The following PRKN variants were observed in gnomAD, a reference collection of about 807,000 sequenced individuals.
PRKN encodes the protein E3 ubiquitin-protein ligase parkin.
Under a neutral mutation model 59.5 loss-of-function variants are expected in PRKN, and 56 were observed. The ratio of observed to expected loss-of-function variants is 0.94; its 90% CI spans 0.76 to 1.18. The LOEUF (loss-of-function observed/expected upper bound fraction) is 1.18, where lower values mean the gene tolerates loss of function less well. Among genes scored for constraint, PRKN ranks in the 50% most tolerant of loss-of-function variants. PRKN has a pLI of 0.00. For synonymous variants in PRKN, 250 were observed against 222.1 expected (o/e 1.13, Z -1.12); for missense variants, 657 against 596.4 (o/e 1.10, Z -1.06).
chr6:162,609,203 T>C (rs1365826430), intron 1 of PRKN, among the ~76,000 whole-genome samples: 2 of 152,134 alleles, frequency 1.3e-5, no homozygotes, highest in Non-Finnish European at 2.9e-5. Flanking sequence ...GGGTCATGCA[T>C]TTAGGAAAGG....
Position 162,113,938 on chromosome 6 carries a change from A to G in PRKN, c.535-59764T>C, listed in dbSNP as rs1449812205. Among the ~76,000 whole-genome samples the G allele has an allele frequency of 5.6e-4, 85 of 151,902 alleles. 3 individuals carry two copies. The highest frequency in any genetic ancestry group is 1.7e-3 in the African/African-American group (71 of 41,412). On this transcript the variant is annotated intron_variant, in intron 4 of 11. Transcript: ENST00000366898. ...AGTTTCAGCTTTCTACATATGGCTA[A>G]CCAGTTTTCCCAGCACCATTTATTA... is the stretch of plus-strand genomic sequence containing the variant.
In PRKN at chr6:161,497,446, T is replaced by G. The variant is rs2115290346; in HGVS notation, c.1083+51408A>C. On this transcript the variant is annotated intron_variant, in intron 9 of 11. Coordinates refer to ENST00000366898, the MANE Select transcript of PRKN (RefSeq NM_004562.3). This position sits in a 1 kb window ranked among gnomAD's most constrained non-coding sequence, Gnocchi z 4.6. The stretch of plus-strand genomic sequence containing the variant: ...TCCTCTGTCTTGAACTGGGAATAAA[T>G]TAGGAGAGATAAGAGACAGATATTA... Among the ~76,000 whole-genome samples, 1 of 152,270 alleles carries G rather than the reference T, an allele frequency of 6.6e-6. No homozygotes were observed. The highest frequency in any genetic ancestry group is 2.4e-5 in the African/African-American group (1 of 41,554).
At chr6:162,351,163 C>A (rs1482934336) in intron 2 of PRKN, among the ~76,000 whole-genome samples, 1 of 152,080 alleles carries the variant, frequency 6.6e-6, no homozygotes, top group African/African-American at 2.4e-5. Flanking sequence ...TGTACTCCGG[C>A]CTGGGCCACA....
At chr6:162,116,911 T>C (rs1400532048) in intron 4 of PRKN, among the ~76,000 whole-genome samples, 1 of 152,226 alleles carries the variant, frequency 6.6e-6, no homozygotes, top group Non-Finnish European at 1.5e-5. Context: ...ATGTGTGTTT[T>C]AGTCTGCTTA....
rs1389434427 is a variant in PRKN at position 161,584,207 on chromosome 6, C to G, written c.872-14791G>C. Among the ~76,000 whole-genome samples the G allele has an allele frequency of 6.6e-6, 1 of 152,134 alleles. No homozygotes were observed. Among genetic ancestry groups the G allele is most frequent in the African/African-American group, 2.4e-5 (1 of 41,438 alleles). The stretch of plus-strand genomic sequence containing the variant: ...TCACCTTAATCAGATCAAATTAGGA[C>G]AGGTGGCAACCCTGCAGGCAACATA... On this transcript the variant is annotated intron_variant, in intron 7 of 11. Transcript: ENST00000366898. The surrounding 1 kb of genome is among the most constrained non-coding windows in gnomAD (Gnocchi z 4.8).
rs1784421798 is a variant in PRKN at position 161,348,832 on chromosome 6, AGCATGCGGTTT to A, written c.*1256_*1266del. 4.8e-6 allele frequency: 1 copy of A among 210,044 alleles called. No individual in the cohort carries two copies. The highest frequency in any genetic ancestry group is 7.1e-5 in the East Asian group (1 of 14,050). 13.0% of individuals were successfully genotyped at this position (210,044 alleles called of 1,614,324 possible). ...TTCTCTTCTGCGTAGTGTGGGTAAG[AGCATGCGGTTT>A]GCCGCATGCAGTGTTGTTAATCTTT... On this transcript the variant is annotated 3_prime_UTR_variant, in exon 12 of 12. Coordinates refer to ENST00000366898, the MANE Select transcript of PRKN (RefSeq NM_004562.3). The surrounding 1 kb of genome is among the most constrained non-coding windows in gnomAD (Gnocchi z 4.9).
At chr6:161,753,717 G>A (rs1405884105) in intron 7 of PRKN, among the ~76,000 whole-genome samples, 2 of 152,170 alleles carry the variant, frequency 1.3e-5, no homozygotes, top group Non-Finnish European at 2.9e-5. Context: ...GGGGGGGCTC[G>A]GCTTGGAGCA....
At chr6:162,222,816 AC>A (rs1280160399) in intron 3 of PRKN, among the ~76,000 whole-genome samples, 2 of 152,070 alleles carry the variant, frequency 1.3e-5, no homozygotes, top group African/African-American at 2.4e-5. Context: ...TGGCTGGTTT[AC>A]TTCACCTCAC....
At chr6:162,001,597 C>G (rs1782059068) in intron 5 of PRKN, among the ~76,000 whole-genome samples, 1 of 151,874 alleles carries the variant, frequency 6.6e-6, no homozygotes, top group South Asian at 2.1e-4. Context: ...CATCTGCTAC[C>G]AATGATAGTT....
At chr6:162,228,788 G>A (rs1378998245) in intron 3 of PRKN, among the ~76,000 whole-genome samples, 3 of 152,218 alleles carry the variant, frequency 2.0e-5, no homozygotes, top group East Asian at 1.9e-4. Flanking sequence ...TTATTTCCAG[G>A]TGTCTTTAAA....
chr6:161,507,925 T>C (rs1191680284), intron 9 of PRKN, among the ~76,000 whole-genome samples: 1 of 152,206 alleles, frequency 6.6e-6, no homozygotes, highest in African/African-American at 2.4e-5. Flanking sequence ...TAATAGGTGC[T>C]CAATACATAA....
chr6:162,306,084 AAAATAATCTTCAT>A (rs1464260553), intron 2 of PRKN, among the ~76,000 whole-genome samples: 1 of 152,170 alleles, frequency 6.6e-6, no homozygotes, highest in Non-Finnish European at 1.5e-5. Flanking sequence ...AAATATATGG[AAAATAATCTTCAT>A]AAGTTCCCTT....
At chr6:161,522,590 T>C (rs1778869767) in intron 9 of PRKN, among the ~76,000 whole-genome samples, 1 of 152,258 alleles carries the variant, frequency 6.6e-6, no homozygotes, top group African/African-American at 2.4e-5. Context: ...ACAGCTAGAA[T>C]GCCCTACAGG....
rs988500649 is a variant in PRKN at position 161,448,952 on chromosome 6, G to A, written c.1084-62075C>T. ...TTCTCCCCAAGGTCACATTAAAAAG[G>A]TGGTGCATCTGAGATGGTGACTGCT... On this transcript the variant is annotated intron_variant, in intron 9 of 11. Coordinates refer to ENST00000366898, the MANE Select transcript of PRKN (RefSeq NM_004562.3). The surrounding 1 kb of genome is among the most constrained non-coding windows in gnomAD (Gnocchi z 5.1). Among the ~76,000 whole-genome samples, 3 of 152,206 alleles carry A rather than the reference G, an allele frequency of 2.0e-5. No individual in the cohort carries two copies. Among genetic ancestry groups the A allele is most frequent in the African/African-American group, 7.2e-5 (3 of 41,440 alleles).
At chr6:162,153,275 T>A (rs1782352765) in intron 4 of PRKN, among the ~76,000 whole-genome samples, 1 of 152,222 alleles carries the variant, frequency 6.6e-6, no homozygotes. Context: ...TTGGGCCTGC[T>A]GTGGCGCACC....
At chr6:162,502,410 C>T (rs1000546266) in intron 1 of PRKN, among the ~76,000 whole-genome samples, 1 of 152,116 alleles carries the variant, frequency 6.6e-6, no homozygotes. Flanking sequence ...ATTTCCCCAA[C>T]GCCTCCCAAA....
intron 1 of PRKN, among the ~76,000 whole-genome samples, chr6:162,613,952 C>T (rs527485522): frequency 7.8e-4 from 118 of 152,028 alleles, no homozygotes; most frequent in African/African-American, 2.7e-3. Flanking sequence ...TGAGAGGGTT[C>T]CAGGAAATAT....
Position 161,475,730 on chromosome 6 carries a change from C to G in PRKN, c.1083+73124G>C, listed in dbSNP as rs1791034577. Among the ~76,000 whole-genome samples the G allele has an allele frequency of 6.6e-6, 1 of 152,172 alleles. No individual in the cohort carries two copies. Among genetic ancestry groups the G allele is most frequent in the Non-Finnish European group, 1.5e-5 (1 of 68,042 alleles). On this transcript the variant is annotated intron_variant, in intron 9 of 11. Coordinates refer to ENST00000366898, the MANE Select transcript of PRKN (RefSeq NM_004562.3). The surrounding 1 kb of genome is among the most constrained non-coding windows in gnomAD (Gnocchi z 5.3). Reference sequence around the variant, plus strand: ...GCTCAAGGAATCTGCTCGCCTCGGTCTCCCAAAGTGCTGGGATTACAGGCA... The same window carrying G: ...GCTCAAGGAATCTGCTCGCCTCGGTGTCCCAAAGTGCTGGGATTACAGGCA...
At chr6:162,029,743 G>A (rs566292573) in intron 5 of PRKN, among the ~76,000 whole-genome samples, 133 of 152,246 alleles carry the variant, frequency 8.7e-4, no homozygotes, top group Non-Finnish European at 1.5e-3. Context: ...TTTTGTTGTT[G>A]TTATCATTGG....
Sources: gnomAD v4.1 joint callset for allele counts (sites outside exome capture counted in the v4.1 genomes callset) on GRCh38, gnomAD v4.1.1 for gene constraint, Gnocchi (gnomAD v3.1) non-coding constraint, MANE v1.5 for transcripts, NCBI Gene and HGNC (gene_info 2026-07-23, HGNC 2026-07-21) for gene names.